Variants in R3HCC1L observed in about 807,000 individuals in gnomAD.
R3HCC1L encodes the protein R3H domain and coiled-coil containing 1 like, also known as coiled-coil domain-containing protein R3HCC1L.
A neutral mutation model predicts 59.9 loss-of-function variants in R3HCC1L; 51 were observed. The observed-to-expected ratio is 0.85, with a 90% CI of 0.68 to 1.07. R3HCC1L has a LOEUF of 1.07. R3HCC1L is among the 50% of genes least tolerant of loss of function. The pLI is 0.00. For synonymous variants in R3HCC1L, 322 were observed against 315.2 expected (o/e 1.02, Z -0.23); for missense variants, 965 against 933.0 (o/e 1.03, Z -0.45).
chr10:98,156,837 A>G (rs142776450), intron 2 of R3HCC1L, among the ~76,000 whole-genome samples: 70 of 152,328 alleles, frequency 4.6e-4, no homozygotes, highest in African/African-American at 1.6e-3. Context: ...GAATGGGTGT[A>G]AGTAGTCTTT....
At chr10:98,211,182 C>A in intron 5 of R3HCC1L, 1 of 582,420 alleles carries the variant, frequency 1.7e-6, no homozygotes, top group Non-Finnish European at 3.0e-6. Flanking sequence ...TAGCTTTCAT[C>A]AGATTCTCAA....
At chr10:98,183,331 CT>C (rs35199381) in intron 4 of R3HCC1L, among the ~76,000 whole-genome samples, 29,951 of 138,080 alleles carry the variant, frequency 0.22, 3,176 homozygotes, top group African/African-American at 0.27. Flanking sequence ...TGTATTGTGT[CT>C]TTTTTTTTTT....
intron 5 of R3HCC1L, among the ~76,000 whole-genome samples, chr10:98,221,057 T>G (rs1426707844): frequency 1.3e-5 from 2 of 150,132 alleles, no homozygotes; most frequent in Admixed American, 6.6e-5. Context: ...CCTGACTTTT[T>G]AATGATTGCC....
At chr10:98,198,815 T>G (rs897581916) in intron 4 of R3HCC1L, among the ~76,000 whole-genome samples, 1 of 152,124 alleles carries the variant, frequency 6.6e-6, no homozygotes, top group African/African-American at 2.4e-5. Context: ...GCAGATTATA[T>G]TTGTCCTGTG....
intron 9 of R3HCC1L, among the ~76,000 whole-genome samples, chr10:98,238,539 T>G (rs568672611): frequency 4.6e-5 from 7 of 152,172 alleles, no homozygotes; most frequent in Non-Finnish European, 1.0e-4. Context: ...TATGATGATA[T>G]TGCATTATGA....
rs1852995637 is a variant in R3HCC1L, at chr10:98,208,395, T to C, written c.281T>C (p.Met94Thr). The change falls in exon 5 of 10, where the codon ATG becomes ACG. Residue 94 changes from methionine to threonine, a missense_variant. Coordinates refer to ENST00000298999, the MANE Select transcript of R3HCC1L (RefSeq NM_001351015.2). ...EEKKSSTKLR[M>T]DTCLQKTNRV... is the part of the protein sequence containing the mutation. ...AAGAAATCTTCAACAAAATTAAGAA[T>C]GGACACATGCCTTCAAAAAACAAAT... 3.1e-6 allele frequency: 5 copies of C among 1,613,926 alleles called. No individual in the cohort carries two copies. The highest frequency in any genetic ancestry group is 1.3e-5 in the African/African-American group (1 of 74,994).
intron 1 of R3HCC1L, among the ~76,000 whole-genome samples, chr10:98,152,066 C>T (rs1287519553): frequency 6.6e-6 from 1 of 152,214 alleles, no homozygotes; most frequent in Non-Finnish European, 1.5e-5. Flanking sequence ...GATTCTCCTG[C>T]CTCAGCCTGC....
intron 4 of R3HCC1L, among the ~76,000 whole-genome samples, chr10:98,205,227 A>G (rs1232674258): frequency 1.3e-5 from 2 of 152,228 alleles, no homozygotes; most frequent in Non-Finnish European, 2.9e-5. Context: ...TTATGTAAGT[A>G]TATCATACCT....
chr10:98,145,996 G>T (rs905583191), intron 1 of R3HCC1L, among the ~76,000 whole-genome samples: 2 of 151,516 alleles, frequency 1.3e-5, no homozygotes, highest in African/African-American at 2.4e-5. Context: ...CATATCCCTT[G>T]TCCCCAAAAG....
At position 98,236,085 on chromosome 10, in the gene R3HCC1L, C is replaced by A. The variant is rs756647836; in HGVS notation, c.2190C>A (p.Val730=). 1.9e-6 allele frequency: 3 copies of A among 1,613,986 alleles called. No individual in the cohort carries two copies. In the Admixed American group the frequency reaches 5.0e-5, roughly 27 times the overall value. ...ETSAALARRL[V]ISALGVRSKQ... ...CAGCAGCCCTAGCCAGAAGGTTAGTCATCAGTGCCCTTGGGGTTCGAAGTA... is the reference window on the plus strand; with the variant it reads ...CAGCAGCCCTAGCCAGAAGGTTAGTAATCAGTGCCCTTGGGGTTCGAAGTA... Residue 730 remains valine, a synonymous_variant, in exon 9 of 10, where the codon GTC becomes GTA. Transcript: ENST00000298999.
At chr10:98,224,292 A>C (rs1855410811) in intron 5 of R3HCC1L, among the ~76,000 whole-genome samples, 1 of 152,136 alleles carries the variant, frequency 6.6e-6, no homozygotes. Context: ...AATAATTGGC[A>C]TGTGACTTCA....
intron 5 of R3HCC1L, among the ~76,000 whole-genome samples, chr10:98,226,295 T>C (rs964168423): frequency 6.6e-6 from 1 of 152,106 alleles, no homozygotes; most frequent in African/African-American, 2.4e-5. Flanking sequence ...ATGCAGAAAA[T>C]GAAGAAAACA....
At chr10:98,229,074 T>A (rs1269957582) in intron 5 of R3HCC1L, among the ~76,000 whole-genome samples, 1 of 152,106 alleles carries the variant, frequency 6.6e-6, no homozygotes, top group Non-Finnish European at 1.5e-5. Flanking sequence ...CAGGCTCTTT[T>A]TTGGTTCCAT....
intron 4 of R3HCC1L, among the ~76,000 whole-genome samples, chr10:98,170,127 T>C (rs1214340294): frequency 2.0e-5 from 3 of 152,146 alleles, no homozygotes. Context: ...AACTTCCTGA[T>C]TAAACTTTGC....
chr10:98,173,816 G>C (rs1848745683), intron 4 of R3HCC1L, among the ~76,000 whole-genome samples: 1 of 152,014 alleles, frequency 6.6e-6, no homozygotes, highest in Non-Finnish European at 1.5e-5. Flanking sequence ...TATTTATTGG[G>C]GCATGGGGCC....
At chr10:98,141,662 C>T (rs1327893073) in intron 1 of R3HCC1L, among the ~76,000 whole-genome samples, 1 of 152,218 alleles carries the variant, frequency 6.6e-6, no homozygotes, top group Non-Finnish European at 1.5e-5. Flanking sequence ...CTGGAGGCTT[C>T]TTCACTCACA....
chr10:98,238,077 A>C (rs532675878), intron 9 of R3HCC1L, among the ~76,000 whole-genome samples: 1 of 152,120 alleles, frequency 6.6e-6, no homozygotes, highest in South Asian at 2.1e-4. Context: ...AACCATAGGT[A>C]CTCTCTTGCT....
At chr10:98,226,806 A>T (rs1198364276) in intron 5 of R3HCC1L, among the ~76,000 whole-genome samples, 1 of 152,070 alleles carries the variant, frequency 6.6e-6, no homozygotes, top group African/African-American at 2.4e-5. Context: ...TTAAGAATTT[A>T]TTAAAGTTTA....
chr10:98,192,028 T>C (rs1206546694), intron 4 of R3HCC1L, among the ~76,000 whole-genome samples: 2 of 152,124 alleles, frequency 1.3e-5, no homozygotes, highest in Non-Finnish European at 2.9e-5. Context: ...CTTCACCATG[T>C]TGGCCAGGCT....
Sources: allele counts gnomAD v4.1 joint callset (sites outside exome capture counted in the v4.1 genomes callset), GRCh38; gene constraint gnomAD v4.1.1; transcripts MANE v1.5; gene names NCBI Gene and HGNC (gene_info 2026-07-23, HGNC 2026-07-21).